Variants in ADAMTS19 observed in about 807,000 individuals in gnomAD.
ADAMTS19 encodes A disintegrin and metalloproteinase with thrombospondin motifs 19.
ADAMTS19 carries 93 observed loss-of-function variants against 153.3 expected under a neutral mutation model. The observed-to-expected ratio is 0.61, with a 90% confidence interval of 0.51 to 0.72. The LOEUF (loss-of-function observed/expected upper bound fraction) is 0.72. Among genes scored for constraint, ADAMTS19 ranks in the 30% least tolerant of loss-of-function variants. The probability of loss-of-function intolerance (pLI) is 0.00; values close to 1 mark genes in which losing one functional copy is unlikely to be tolerated. For synonymous variants in ADAMTS19, 600 were observed against 556.6 expected (o/e 1.08, Z -1.10); for missense variants, 1,482 against 1,552.1 (o/e 0.95, Z 0.76).
intron 7 of ADAMTS19, among the ~76,000 whole-genome samples, chr5:129,562,021 C>T (rs1190757926): frequency 1.3e-5 from 2 of 152,096 alleles, no homozygotes; most frequent in Non-Finnish European, 1.5e-5. Flanking sequence ...AGTCATAATA[C>T]CATCAGTTGG....
At chr5:129,484,155 TTC>T (rs1171675128) in intron 2 of ADAMTS19, among the ~76,000 whole-genome samples, 13 of 152,224 alleles carry the variant, frequency 8.5e-5, no homozygotes, top group Non-Finnish European at 1.9e-4. Flanking sequence ...TTTTATATGT[TTC>T]TGTTAATCTT....
At chr5:129,532,837 G>T (rs954216462) in intron 6 of ADAMTS19, among the ~76,000 whole-genome samples, 1 of 152,086 alleles carries the variant, frequency 6.6e-6, no homozygotes, top group Non-Finnish European at 1.5e-5. Context: ...GGTGGCTCAC[G>T]CCTGTAATCC....
chr5:129,614,403 T>G (rs1751404206), intron 8 of ADAMTS19, among the ~76,000 whole-genome samples: 1 of 152,094 alleles, frequency 6.6e-6, no homozygotes. Context: ...ATAAACGTAA[T>G]CCAGCATATA....
chr5:129,607,519 A>G (rs550908623), intron 8 of ADAMTS19, among the ~76,000 whole-genome samples: 1 of 152,298 alleles, frequency 6.6e-6, no homozygotes, highest in African/African-American at 2.4e-5. Flanking sequence ...CCAGAGTGGA[A>G]GAATCAGTTT....
chr5:129,674,614 C>T (rs1754474269), intron 16 of ADAMTS19, among the ~76,000 whole-genome samples: 1 of 152,068 alleles, frequency 6.6e-6, no homozygotes, highest in South Asian at 2.1e-4. Context: ...TAACTTATTA[C>T]AGCCTCCTTA....
intron 11 of ADAMTS19, among the ~76,000 whole-genome samples, chr5:129,643,382 A>AAAAAAAAAAAG (rs1554101887): frequency 3.5e-5 from 5 of 142,720 alleles, no homozygotes; most frequent in East Asian, 2.1e-4. Flanking sequence ...AAAAAAAAAA[A>AAAAAAAAAAAG]AAAAGAAAAA....
chr5:129,669,794 T>A (rs1490171579), intron 16 of ADAMTS19, among the ~76,000 whole-genome samples: 1 of 152,136 alleles, frequency 6.6e-6, no homozygotes, highest in Non-Finnish European at 1.5e-5. Flanking sequence ...TGTCTCCAGA[T>A]AATTTCTAAT....
At chr5:129,708,590 C>CAAAAAA (rs1174701520) in intron 21 of ADAMTS19, among the ~76,000 whole-genome samples, 68 of 61,808 alleles carry the variant, frequency 1.1e-3, no homozygotes, top group East Asian at 1.8e-3. Context: ...AGCAGAGAAG[C>CAAAAAA]AAAAAAAAAA....
chr5:129,734,240 G>A (rs1206332046), intron 21 of ADAMTS19, among the ~76,000 whole-genome samples: 2 of 151,250 alleles, frequency 1.3e-5, no homozygotes, highest in Admixed American at 6.6e-5. Flanking sequence ...CTGAGTGGTG[G>A]GTATACTAGA....
At chr5:129,726,681 T>G (rs1757224799) in intron 21 of ADAMTS19, among the ~76,000 whole-genome samples, 1 of 152,090 alleles carries the variant, frequency 6.6e-6, no homozygotes. Flanking sequence ...ATAGTGCATA[T>G]AGTGGAAATA....
At chr5:129,562,658 G>A (rs941013010) in intron 7 of ADAMTS19, among the ~76,000 whole-genome samples, 12 of 152,094 alleles carry the variant, frequency 7.9e-5, no homozygotes, top group African/African-American at 2.4e-4. Context: ...GTGTGTACAC[G>A]TGTTTCATGA....
chr5:129,542,298 G>C (rs571804755), intron 6 of ADAMTS19, among the ~76,000 whole-genome samples: 6 of 152,158 alleles, frequency 3.9e-5, no homozygotes, highest in African/African-American at 1.4e-4. Context: ...TCAATGTGGG[G>C]GGATAATCCT....
intron 2 of ADAMTS19, among the ~76,000 whole-genome samples, chr5:129,469,463 C>T (rs1231805915): frequency 2.0e-5 from 3 of 152,046 alleles, no homozygotes; most frequent in Admixed American, 1.3e-4. Context: ...TTTGTAGAGT[C>T]AATATATACT....
At position 129,460,357 on chromosome 5, in the gene ADAMTS19, C is replaced by A; in HGVS notation, c.-35C>A. Reference sequence around the variant, plus strand: ...CGGAGTGGATCGCGCTGGAGGCGTGCGCCGGGCGAGAAGCCGCGGCCGCGG... The same window carrying A: ...CGGAGTGGATCGCGCTGGAGGCGTGAGCCGGGCGAGAAGCCGCGGCCGCGG... On this transcript the variant is annotated 5_prime_UTR_variant, in exon 1 of 23. Transcript: ENST00000274487. 1 of 1,533,344 alleles carries A rather than the reference C, an allele frequency of 6.5e-7. No individual in the cohort carries two copies. The allele number at this position is 1,533,344 out of a possible 1,614,324, so 95.0% of individuals were successfully genotyped here.
intron 2 of ADAMTS19, among the ~76,000 whole-genome samples, chr5:129,502,421 C>T (rs1435312699): frequency 6.6e-6 from 1 of 152,168 alleles, no homozygotes. Flanking sequence ...CTGACATTCA[C>T]ATTAACTCTC....
chr5:129,732,115 C>A (rs1414047713), intron 21 of ADAMTS19, among the ~76,000 whole-genome samples: 1 of 152,054 alleles, frequency 6.6e-6, no homozygotes, highest in Non-Finnish European at 1.5e-5. Flanking sequence ...CAAATATGTT[C>A]TTTGCAAAAT....
intron 3 of ADAMTS19, among the ~76,000 whole-genome samples, chr5:129,522,455 C>T (rs1275273577): frequency 6.8e-6 from 1 of 147,716 alleles, no homozygotes; most frequent in Non-Finnish European, 1.5e-5. Flanking sequence ...ATTCAGATGG[C>T]TAGTATTGTT....
At chr5:129,530,064 T>C in intron 6 of ADAMTS19, among the ~76,000 whole-genome samples, 1 of 152,134 alleles carries the variant, frequency 6.6e-6, no homozygotes, top group Non-Finnish European at 1.5e-5. Context: ...TGCAGGATGA[T>C]GAGCCAGTAA....
intron 7 of ADAMTS19, among the ~76,000 whole-genome samples, chr5:129,575,693 AAG>A (rs1754073945): frequency 6.6e-6 from 1 of 152,092 alleles, no homozygotes; most frequent in Non-Finnish European, 1.5e-5. Flanking sequence ...ACTGATTTAC[AAG>A]AGTTAGTTGT....
Sources: allele counts gnomAD v4.1 joint callset (sites outside exome capture counted in the v4.1 genomes callset), GRCh38; gene constraint gnomAD v4.1.1; transcripts MANE v1.5; gene names NCBI Gene and HGNC (gene_info 2026-07-23, HGNC 2026-07-21).